Variants in TARDBP observed in about 807,000 individuals in gnomAD.
TARDBP encodes TAR DNA binding protein.
Under a neutral mutation model 38.3 loss-of-function variants are expected in TARDBP, and 4 were observed. That is an observed-to-expected ratio of 0.10 (90% confidence interval 0.05 to 0.24). TARDBP has a LOEUF of 0.24. Among genes scored for constraint, TARDBP ranks in the 10% least tolerant of loss-of-function variants. The pLI, the probability that TARDBP is intolerant of heterozygous loss-of-function variation, is 1.00. For synonymous variants in TARDBP, 184 were observed against 183.8 expected (o/e 1.00, Z -0.01); for missense variants, 202 against 521.9 (o/e 0.39, Z 5.97).
chr1:11,028,712 T>TG (rs1557665517), downstream of TARDBP, among the ~76,000 whole-genome samples: 4 of 129,224 alleles, frequency 3.1e-5, no homozygotes, highest in African/African-American at 1.2e-4. Context: ...TTTTCTTTTT[T>TG]TTTTTTTTTT....
chr1:11,017,202 CTT>C (rs61443822), intron 3 of TARDBP, among the ~76,000 whole-genome samples, 195 bp downstream of exon 3: 210 of 105,848 alleles, frequency 2.0e-3, no homozygotes, highest in African/African-American at 4.8e-3. Flanking sequence ...TGTTACCTTT[CTT>C]TTTTTTTTTT....
At chr1:11,012,908 C>G (rs983470377) in intron 1 of TARDBP, among the ~76,000 whole-genome samples, 165 bp downstream of exon 1, 1 of 152,238 alleles carries the variant, frequency 6.6e-6, no homozygotes, top group African/African-American at 2.4e-5. Flanking sequence ...TCGTTAGGTC[C>G]TGGCACGGGG....
chr1:11,018,944 A>G, intron 4 of TARDBP, 71 bp downstream of exon 4: 2 of 1,606,672 alleles, frequency 1.2e-6, no homozygotes, highest in Admixed American at 1.7e-5. Context: ...AAAATGTTAA[A>G]CACACTTAGA....
At chr1:11,019,984 C>T (rs185179727) in intron 4 of TARDBP, among the ~76,000 whole-genome samples, 3 of 151,942 alleles carry the variant, frequency 2.0e-5, no homozygotes, top group Admixed American at 6.6e-5. Context: ...CTACCTCAGC[C>T]TCCCAAGATG....
downstream of TARDBP, among the ~76,000 whole-genome samples, chr1:11,028,853 A>G (rs1240631899): frequency 1.3e-5 from 2 of 151,190 alleles, no homozygotes; most frequent in Non-Finnish European, 2.9e-5. Context: ...AGCTGGGACT[A>G]CAGGCACACG....
At chr1:11,018,367 T>G (rs917007495) in intron 3 of TARDBP, 5 of 246,322 alleles carry the variant, frequency 2.0e-5, no homozygotes, top group South Asian at 6.9e-5. Flanking sequence ...CTTTGTATTT[T>G]TTGTAGAGAC....
At position 11,023,321 on chromosome 1, in the gene TARDBP, T is replaced by A; in HGVS notation, c.*667T>A. 1.4e-5 allele frequency: 20 copies of A among 1,481,262 alleles called. No homozygotes were observed. The South Asian group carries it at 2.3e-4, about 17-fold the overall frequency. 91.8% of individuals were successfully genotyped at this position (1,481,262 alleles called of 1,614,324 possible). A position where few individuals can be genotyped will look rare whatever the true frequency, so the allele number is the denominator to read the frequency against. On this transcript the variant is annotated 3_prime_UTR_variant, in exon 6 of 6. Transcript: ENST00000240185. The stretch of plus-strand genomic sequence containing the variant: ...TCGTCATCACGCATCACAGGCCGCG[T>A]CTTTGACGGTGGGTGTCCCATTTTT...
downstream of TARDBP, chr1:11,027,797 G>A: frequency 1.4e-6 from 1 of 736,112 alleles, no homozygotes; most frequent in Non-Finnish European, 2.2e-6. Flanking sequence ...AGGCAAGTGA[G>A]GCTATTTTAA....
At chr1:11,027,184 C>A (rs777919479), downstream of TARDBP, 3 of 1,614,078 alleles carry the variant, frequency 1.9e-6, no homozygotes, top group Admixed American at 5.0e-5. Context: ...GGTATGTCGA[C>A]ATACATTAGA....
Position 11,013,913 on chromosome 1 carries a change from T to C in TARDBP, c.186T>C (p.His62=). 1 of 1,614,218 alleles carries C rather than the reference T, an allele frequency of 6.2e-7. No individual in the cohort carries two copies. The highest frequency in any genetic ancestry group is 1.3e-5 in the African/African-American group (1 of 75,058). Reference sequence around the variant, plus strand: ...TCCGGCTGGTAGAAGGAATTCTGCATGCCCCAGATGCTGGCTGGGGAAATC... The same window carrying C: ...TCCGGCTGGTAGAAGGAATTCTGCACGCCCCAGATGCTGGCTGGGGAAATC... ...RGVRLVEGIL[H]APDAGWGNLV... The change falls in exon 2 of 6, where the codon CAT becomes CAC. Residue 62 remains histidine, a synonymous_variant. Coordinates refer to ENST00000240185, the MANE Select transcript of TARDBP (RefSeq NM_007375.4).
intron 2 of TARDBP, among the ~76,000 whole-genome samples, chr1:11,014,622 C>T (rs747122349): frequency 1.3e-4 from 20 of 152,142 alleles, no homozygotes; most frequent in Non-Finnish European, 2.8e-4. Flanking sequence ...GGTCAGTATG[C>T]AAGACACCCT....
chr1:11,028,722 T>TTTTTTTTTTTTTTTTGTTTTG (rs1643787228), downstream of TARDBP, among the ~76,000 whole-genome samples: 1 of 148,182 alleles, frequency 6.7e-6, no homozygotes, highest in African/African-American at 2.6e-5. Context: ...TTTTTTTTTT[T>TTTTTTTTTTTTTTTTGTTTTG]TTTTTTTTTG....
Position 11,020,594 on chromosome 1 carries a change from G to C in TARDBP, c.709G>C (p.Asp237His). 6.2e-7 allele frequency: 1 copy of C among 1,613,780 alleles called. No homozygotes were observed. Among genetic ancestry groups the C allele is most frequent in the African/African-American group, 1.3e-5 (1 of 74,974 alleles). Residue 237 changes from aspartate (D) to histidine (H), a missense_variant, in exon 5 of 6, where the codon GAT becomes CAT. Asp to His is a moderately conservative substitution (Grantham distance 81). This residue lies in a region of TARDBP where 12 missense variants were observed against 97.3 expected (regional missense o/e 0.12). Coordinates refer to ENST00000240185, the MANE Select transcript of TARDBP (RefSeq NM_007375.4). ...CTTTGCCTTTGTTACATTTGCAGAT[G>C]ATCAGGTATTTTTCTCCTTAACGAT... ...RAFAFVTFAD[D>H]QIAQSLCGED... is the part of the protein sequence containing the mutation.
chr1:11,015,967 C>T (rs1478390111), intron 2 of TARDBP, among the ~76,000 whole-genome samples: 1 of 147,526 alleles, frequency 6.8e-6, no homozygotes, highest in Non-Finnish European at 1.5e-5. Context: ...GACGAAGTCT[C>T]GCCCTTGTCG....
intron 3 of TARDBP, chr1:11,018,427 G>C (rs1188342236): frequency 5.0e-6 from 2 of 400,010 alleles, no homozygotes; most frequent in Admixed American, 3.7e-5. Flanking sequence ...GTGCTCAAGC[G>C]ATCCACCCTC....
Position 11,013,892 on chromosome 1 carries a change from G to A in TARDBP, c.165G>A (p.Arg55=), listed in dbSNP as rs756772204. The change falls in exon 2 of 6, where the codon CGG becomes CGA. Residue 55 remains arginine, a synonymous_variant. Coordinates refer to ENST00000240185, the MANE Select transcript of TARDBP (RefSeq NM_007375.4). ...TGTCTCAGTGTATGAGAGGTGTCCGGCTGGTAGAAGGAATTCTGCATGCCC... is the reference window on the plus strand; with the variant it reads ...TGTCTCAGTGTATGAGAGGTGTCCGACTGGTAGAAGGAATTCTGCATGCCC... The part of the protein sequence containing the change: ...NPVSQCMRGV[R]LVEGILHAPD... 1.2e-6 allele frequency: 2 copies of A among 1,614,218 alleles called. No individual in the cohort carries two copies.
At chr1:11,013,069 C>G (rs1210404185) in intron 1 of TARDBP, among the ~76,000 whole-genome samples, 1 of 152,220 alleles carries the variant, frequency 6.6e-6, no homozygotes, top group Non-Finnish European at 1.5e-5. Context: ...TGCGCCCCAC[C>G]CCGGGCCGCG....
intron 2 of TARDBP, 149 bp from the exon 3 acceptor site, chr1:11,016,695 C>T: frequency 1.3e-6 from 1 of 765,780 alleles, no homozygotes; most frequent in East Asian, 2.7e-5. Context: ...ATTCTGTCCT[C>T]TAGAGCAAAC....
At chr1:11,018,210 A>C (rs2100847665) in intron 3 of TARDBP, among the ~76,000 whole-genome samples, 1 of 151,948 alleles carries the variant, frequency 6.6e-6, no homozygotes, top group Admixed American at 6.6e-5. Flanking sequence ...TTTTGGAGAC[A>C]GGGTCTGGCT....
Sources: gnomAD v4.1 joint callset for allele counts (sites outside exome capture counted in the v4.1 genomes callset) on GRCh38, gnomAD v4.1.1 for gene constraint, gnomAD v4.1.1 regional missense constraint, MANE v1.5 for transcripts, NCBI Gene and HGNC (gene_info 2026-07-23, HGNC 2026-07-21) for gene names.